The following DSCAM variants were observed in gnomAD, a reference collection of about 807,000 sequenced individuals.
DSCAM encodes the protein DS cell adhesion molecule.
A neutral mutation model predicts 217.7 loss-of-function variants in DSCAM; 47 were observed. The observed-to-expected ratio is 0.22, with a 90% CI of 0.17 to 0.28. The LOEUF is 0.28. DSCAM is among the 10% of genes least tolerant of loss of function. The pLI, the probability that DSCAM is intolerant of heterozygous loss-of-function variation, is 1.00. For missense variants in DSCAM, 2,080 were observed against 2,618.3 expected, an observed-to-expected ratio of 0.79 and a Z score of 4.49; for synonymous variants, 1,056 against 1,015.3, an observed-to-expected ratio of 1.04 and a Z score of -0.76.
chr21:40,169,473 A>G (rs2090632461), intron 15 of DSCAM, among the ~76,000 whole-genome samples: 1 of 152,118 alleles, frequency 6.6e-6, no homozygotes, highest in South Asian at 2.1e-4. Context: ...GTGCTCTAAG[A>G]TGCAGGGATT....
chr21:40,504,042 A>T (rs7281252), intron 3 of DSCAM, among the ~76,000 whole-genome samples: 2,477 of 152,272 alleles, frequency 0.016, 59 homozygotes, highest in African/African-American at 0.056. Context: ...AGTGGCTCAT[A>T]AACGTTTCTG....
intron 20 of DSCAM, among the ~76,000 whole-genome samples, chr21:40,102,459 G>T (rs146732665): frequency 5.3e-5 from 8 of 152,120 alleles, no homozygotes; most frequent in Admixed American, 4.6e-4. Flanking sequence ...AACTAAATGT[G>T]CACAGTTTAC....
At chr21:40,376,880 T>A (rs887182596) in intron 3 of DSCAM, among the ~76,000 whole-genome samples, 2 of 152,032 alleles carry the variant, frequency 1.3e-5, no homozygotes, top group Non-Finnish European at 2.9e-5. Flanking sequence ...CCTGACGTTA[T>A]GAGCTGAATT....
At chr21:40,722,007 G>C (rs985174361) in intron 1 of DSCAM, among the ~76,000 whole-genome samples, 2 of 151,976 alleles carry the variant, frequency 1.3e-5, no homozygotes, top group Non-Finnish European at 2.9e-5. Context: ...CAGAAGACAA[G>C]GGGAGAGAAA....
intron 9 of DSCAM, among the ~76,000 whole-genome samples, chr21:40,311,776 T>C (rs977566621): frequency 2.0e-5 from 3 of 152,110 alleles, no homozygotes; most frequent in Non-Finnish European, 4.4e-5. Context: ...CGGACGTTAG[T>C]CCTCAAAACT....
chr21:40,811,078 A>G (rs1484023537), intron 1 of DSCAM, among the ~76,000 whole-genome samples: 1 of 152,216 alleles, frequency 6.6e-6, no homozygotes, highest in Admixed American at 6.5e-5. Context: ...CCTGGCACAG[A>G]CTGTCATTAA....
At chr21:40,809,640 A>C (rs1446240981) in intron 1 of DSCAM, among the ~76,000 whole-genome samples, 1 of 152,160 alleles carries the variant, frequency 6.6e-6, no homozygotes, top group Non-Finnish European at 1.5e-5. Context: ...CTTCACTTGG[A>C]TCTGGGTCCT....
At chr21:40,145,233 A>G (rs2090340876) in intron 16 of DSCAM, among the ~76,000 whole-genome samples, 1 of 152,132 alleles carries the variant, frequency 6.6e-6, no homozygotes, top group Non-Finnish European at 1.5e-5. Flanking sequence ...GGCACCAGGG[A>G]ATAGAATTGA....
intron 1 of DSCAM, among the ~76,000 whole-genome samples, chr21:40,839,433 T>C (rs1350173363): frequency 6.6e-6 from 1 of 152,202 alleles, no homozygotes; most frequent in South Asian, 2.1e-4. Flanking sequence ...TAAATATTTG[T>C]AGCAGTGCTG....
At chr21:40,646,622 C>T (rs1361408739) in intron 3 of DSCAM, among the ~76,000 whole-genome samples, 2 of 152,188 alleles carry the variant, frequency 1.3e-5, no homozygotes, top group African/African-American at 4.8e-5. Context: ...TGACTTCCAA[C>T]ATGAAGCATG....
intron 1 of DSCAM, among the ~76,000 whole-genome samples, chr21:40,836,338 T>C (rs2092056162): frequency 6.6e-6 from 1 of 152,134 alleles, no homozygotes; most frequent in African/African-American, 2.4e-5. Context: ...GAATATCAAA[T>C]ACGCTAACAG....
At chr21:40,050,507 G>A (rs1389066545) in intron 30 of DSCAM, among the ~76,000 whole-genome samples, 1 of 150,218 alleles carries the variant, frequency 6.7e-6, no homozygotes, top group Non-Finnish European at 1.5e-5. Context: ...TTTGGAGACA[G>A]AGTCTCGCTC....
intron 28 of DSCAM, among the ~76,000 whole-genome samples, chr21:40,060,919 G>A (rs1480094998): frequency 6.6e-6 from 1 of 152,072 alleles, no homozygotes; most frequent in East Asian, 1.9e-4. Flanking sequence ...TGTTCCCTGT[G>A]ACCCATAAAT....
At chr21:40,372,178 CT>C (rs2074905430) in intron 3 of DSCAM, among the ~76,000 whole-genome samples, 1 of 152,200 alleles carries the variant, frequency 6.6e-6, no homozygotes, top group Admixed American at 6.5e-5. Flanking sequence ...ATTTTAACTG[CT>C]CCCTAACTTG....
chr21:40,292,926 C>T (rs985676984), intron 10 of DSCAM, among the ~76,000 whole-genome samples: 21 of 151,918 alleles, frequency 1.4e-4, no homozygotes, highest in African/African-American at 4.8e-4. Context: ...TTAGTAGAGA[C>T]GGGGTTTCAC....
chr21:40,524,283 A>G (rs2076382892), intron 3 of DSCAM, among the ~76,000 whole-genome samples: 1 of 152,186 alleles, frequency 6.6e-6, no homozygotes, highest in Non-Finnish European at 1.5e-5. Context: ...TGGAAAATTA[A>G]CAGATTTTCC....
At chr21:40,634,651 T>C (rs1186451216) in intron 3 of DSCAM, among the ~76,000 whole-genome samples, 1 of 152,196 alleles carries the variant, frequency 6.6e-6, no homozygotes, top group African/African-American at 2.4e-5. Context: ...TGTACAAATC[T>C]AAAAAGAAAT....
chr21:40,255,416 A>G (rs569022322), intron 11 of DSCAM, among the ~76,000 whole-genome samples: 35 of 152,324 alleles, frequency 2.3e-4, no homozygotes, highest in African/African-American at 7.5e-4. Flanking sequence ...GCTCATAGCA[A>G]TACAGTAGGC....
At chr21:40,843,368 A>ATGTGTGTGTGTGTGTGTG (rs36229663) in intron 1 of DSCAM, among the ~76,000 whole-genome samples, 3 of 146,050 alleles carry the variant, frequency 2.1e-5, no homozygotes, top group Non-Finnish European at 4.6e-5. Flanking sequence ...GAATGCATGC[A>ATGTGTGTGTGTGTGTGTG]TGTGTGTGTG....
Sources: gnomAD v4.1 joint callset for allele counts (sites outside exome capture counted in the v4.1 genomes callset) on GRCh38, gnomAD v4.1.1 for gene constraint, MANE v1.5 for transcripts, NCBI Gene and HGNC (gene_info 2026-07-23, HGNC 2026-07-21) for gene names.